Variants in RBPMS2 observed in about 807,000 individuals in gnomAD.
The protein encoded by RBPMS2 is RNA-binding protein with multiple splicing 2.
In RBPMS2, 14 loss-of-function variants were observed where a neutral mutation model predicts 25.7. The observed-to-expected ratio is 0.55, with a 90% CI of 0.36 to 0.85. The LOEUF (loss-of-function observed/expected upper bound fraction) is 0.85, where lower values mean the gene tolerates loss of function less well. Among genes scored for constraint, RBPMS2 ranks in the 40% least tolerant of loss-of-function variants. RBPMS2 has a pLI of 0.01. For missense variants in RBPMS2, 252 were observed against 283.4 expected (o/e 0.89, Z 0.80); for synonymous variants, 127 against 115.6 (o/e 1.10, Z -0.63).
At chr15:64,747,125 G>T (rs1279021554) in intron 6 of RBPMS2, among the ~76,000 whole-genome samples, 1 of 152,158 alleles carries the variant, frequency 6.6e-6, no homozygotes, top group Admixed American at 6.5e-5. Flanking sequence ...TGCTCAGCTG[G>T]GGAAGAGCGC....
rs377554290 is a variant in RBPMS2, at chr15:64,770,688, C to T, written c.87+4545G>A. Among the ~76,000 whole-genome samples, 4 of 152,076 alleles carry T rather than the reference C, an allele frequency of 2.6e-5. No individual in the cohort carries two copies. In the East Asian group the frequency reaches 7.7e-4, roughly 29 times the overall value. On this transcript the variant is annotated intron_variant, in intron 1 of 7. Transcript: ENST00000300069. ...AAGATGTCCCAGATGCTTTCAAATGCTATTGATGTTAAAGAAAAGGGAGGT... is the reference window on the plus strand; with the variant it reads ...AAGATGTCCCAGATGCTTTCAAATGTTATTGATGTTAAAGAAAAGGGAGGT...
At chr15:64,765,564 AC>A (rs1174374296) in intron 1 of RBPMS2, among the ~76,000 whole-genome samples, 2 of 148,414 alleles carry the variant, frequency 1.3e-5, no homozygotes, top group African/African-American at 5.0e-5. Context: ...GGGCAACAAA[AC>A]GAGATCCTGT....
rs535146422 is a variant in RBPMS2, at chr15:64,743,114, T to C, written c.568-1872A>G. On this transcript the variant is annotated intron_variant, in intron 6 of 7. Transcript: ENST00000300069. ...AGTGGGCCCTGACCACTGCCCTTCATGTAGCCTCCGGCAGCCCCACAGCAA... is the reference window on the plus strand; with the variant it reads ...AGTGGGCCCTGACCACTGCCCTTCACGTAGCCTCCGGCAGCCCCACAGCAA... Among the ~76,000 whole-genome samples, 3 of 152,308 alleles carry C rather than the reference T, an allele frequency of 2.0e-5. No individual in the cohort carries two copies. In the East Asian group the frequency reaches 5.8e-4, roughly 29 times the overall value.
chr15:64,775,219 G>A lies in RBPMS2; in HGVS notation c.87+14C>T, dbSNP rs1338787835. The A allele has an allele frequency of 2.4e-6, 3 of 1,247,490 alleles. No individual in the cohort carries two copies. Among genetic ancestry groups the A allele is most frequent in the Non-Finnish European group, 3.0e-6 (3 of 993,270 alleles). 77.3% of individuals were successfully genotyped at this position (1,247,490 alleles called of 1,614,324 possible). On this transcript the variant is annotated intron_variant, in intron 1 of 7. Transcript: ENST00000300069. ...GTGCGCTTCACCCGGCAAGTCCCGG[G>A]GCCACAGACCCACCTCCTCCTCCAG...
At chr15:64,758,610 A>C (rs1685311235) in intron 1 of RBPMS2, among the ~76,000 whole-genome samples, 3 of 152,208 alleles carry the variant, frequency 2.0e-5, no homozygotes, top group Admixed American at 2.0e-4. Flanking sequence ...TGGAGGTCCC[A>C]GCCAGTGCCA....
rs1472951785 is a variant in RBPMS2, at chr15:64,751,583, T to C, written c.143A>G (p.Tyr48Cys). Residue 48 changes from tyrosine to cysteine, a missense_variant, in exon 2 of 8, where the codon TAC becomes TGC. Tyr to Cys is a radical substitution (Grantham distance 194). Transcript: ENST00000300069. Reference sequence around the variant, plus strand: ...CACCTTGAACGGCCGGAAGAGCAAGTAGAGTTCTCTGGGTTTAATGTCCAC... The same window carrying C: ...CACCTTGAACGGCCGGAAGAGCAAGCAGAGTTCTCTGGGTTTAATGTCCAC... ...LPVDIKPREL[Y>C]LLFRPFKGYE... 1 of 1,613,824 alleles carries C rather than the reference T, an allele frequency of 6.2e-7. No individual in the cohort carries two copies. The highest frequency in any genetic ancestry group is 8.5e-7 in the Non-Finnish European group (1 of 1,179,982).
At chr15:64,768,944 C>T (rs1259849682) in intron 1 of RBPMS2, among the ~76,000 whole-genome samples, 2 of 149,606 alleles carry the variant, frequency 1.3e-5, no homozygotes, top group African/African-American at 4.9e-5. Flanking sequence ...ACTAAAAATA[C>T]AAAAAAATTA....
chr15:64,774,153 C>T (rs2083911236), intron 1 of RBPMS2, among the ~76,000 whole-genome samples: 1 of 152,210 alleles, frequency 6.6e-6, no homozygotes, highest in Non-Finnish European at 1.5e-5. Flanking sequence ...GAGGAGGCAA[C>T]ACCAGTCCAC....
At chr15:64,758,514 C>T (rs1162209009) in intron 1 of RBPMS2, among the ~76,000 whole-genome samples, 3 of 152,212 alleles carry the variant, frequency 2.0e-5, no homozygotes, top group African/African-American at 4.8e-5. Context: ...AGGCAAGGAA[C>T]GTGGCCAGGG....
intron 1 of RBPMS2, among the ~76,000 whole-genome samples, chr15:64,760,582 C>T (rs2083774217): frequency 6.6e-6 from 1 of 151,998 alleles, no homozygotes; most frequent in South Asian, 2.1e-4. Flanking sequence ...CTCCGGATCA[C>T]CTGAGGTCAG....
intron 1 of RBPMS2, among the ~76,000 whole-genome samples, chr15:64,758,292 C>A (rs72744740): frequency 1.3e-5 from 2 of 152,154 alleles, no homozygotes; most frequent in Non-Finnish European, 2.9e-5. Context: ...GCAACCACAG[C>A]CCTTCCAAAA....
chr15:64,775,137 A>T (rs1053844511), intron 1 of RBPMS2, 96 bp downstream of exon 1: 1 of 633,002 alleles, frequency 1.6e-6, no homozygotes, highest in African/African-American at 1.9e-5. Flanking sequence ...AGCGATGGCC[A>T]CCCCGGCCCC....
chr15:64,770,788 C>G (rs2083887453), intron 1 of RBPMS2, among the ~76,000 whole-genome samples: 2 of 152,120 alleles, frequency 1.3e-5, no homozygotes, highest in Admixed American at 6.6e-5. Flanking sequence ...TCCCACACCC[C>G]CCTCCCCGTT....
chr15:64,764,759 T>TA (rs112893246), intron 1 of RBPMS2, among the ~76,000 whole-genome samples: 1,385 of 133,216 alleles, frequency 0.01, 19 homozygotes, highest in African/African-American at 0.036. Flanking sequence ...ACTAAAAAAG[T>TA]AAAAAAAAAT....
At chr15:64,772,815 C>T (rs1468151636) in intron 1 of RBPMS2, among the ~76,000 whole-genome samples, 2 of 152,124 alleles carry the variant, frequency 1.3e-5, no homozygotes, top group Non-Finnish European at 2.9e-5. Context: ...CACTTCCTGG[C>T]AAGTCCTTCC....
intron 1 of RBPMS2, among the ~76,000 whole-genome samples, chr15:64,752,873 A>T (rs2083695838): frequency 6.6e-6 from 1 of 152,024 alleles, no homozygotes; most frequent in Non-Finnish European, 1.5e-5. Context: ...CGGCCTCCCA[A>T]AGTGCTGAGA....
intron 1 of RBPMS2, among the ~76,000 whole-genome samples, chr15:64,755,063 C>T (rs1448864163): frequency 1.3e-5 from 2 of 152,300 alleles, no homozygotes; most frequent in Middle Eastern, 3.4e-3. Context: ...CCTCAAATGG[C>T]TCCTTTCTGG....
At chr15:64,744,810 T>TTG (rs1567062937) in intron 6 of RBPMS2, among the ~76,000 whole-genome samples, 18 of 105,742 alleles carry the variant, frequency 1.7e-4, no homozygotes, top group African/African-American at 5.9e-4. Context: ...TTTTTTTTTT[T>TTG]TTTTTTTTTT....
chr15:64,743,149 G>A (rs554309265), intron 6 of RBPMS2, among the ~76,000 whole-genome samples: 13 of 152,342 alleles, frequency 8.5e-5, no homozygotes, highest in African/African-American at 1.2e-4. Context: ...AGGAAATCCC[G>A]GACGGGCTGG....
Sources: gnomAD v4.1 joint callset for allele counts (sites outside exome capture counted in the v4.1 genomes callset) on GRCh38, gnomAD v4.1.1 for gene constraint, MANE v1.5 for transcripts, NCBI Gene and HGNC (gene_info 2026-07-23, HGNC 2026-07-21) for gene names.